The following LRP6 variants were observed in gnomAD, a reference collection of about 807,000 sequenced individuals.
LRP6 encodes the protein low-density lipoprotein receptor-related protein 6.
Under a neutral mutation model 184.1 loss-of-function variants are expected in LRP6, and 43 were observed. The observed-to-expected ratio is 0.23, with a 90% CI of 0.18 to 0.30. The LOEUF is 0.30. LRP6 is among the 10% of genes least tolerant of loss of function. The probability of loss-of-function intolerance (pLI) is 1.00; values close to 1 mark genes in which losing one functional copy is unlikely to be tolerated. For missense variants in LRP6, 1,571 were observed against 2,005.3 expected (o/e 0.78, Z 4.14); for synonymous variants, 719 against 684.9 (o/e 1.05, Z -0.78).
chr12:12,174,572 A>AG (rs1863123976), intron 7 of LRP6, among the ~76,000 whole-genome samples: 2 of 152,358 alleles, frequency 1.3e-5, no homozygotes, highest in African/African-American at 4.8e-5. Flanking sequence ...ACAAACCAAC[A>AG]GTAAAAAAAA....
At position 12,120,906 on chromosome 12, in the gene LRP6, C is replaced by A; in HGVS notation, c.*220G>T. 1 of 411,146 alleles carries A rather than the reference C, an allele frequency of 2.4e-6. No individual in the cohort carries two copies. The highest frequency in any genetic ancestry group is 8.3e-5 in the South Asian group (1 of 12,116). 25.5% of individuals were successfully genotyped at this position (411,146 alleles called of 1,614,324 possible). ...TTAGTACAAATTTTTTTTATACAAA[C>A]TTTTATGGCACAAGCAGCAAATCTG... On this transcript the variant is annotated 3_prime_UTR_variant, in exon 23 of 23. Coordinates refer to ENST00000261349, the MANE Select transcript of LRP6 (RefSeq NM_002336.3).
chr12:12,156,601 T>C (rs1471218089), intron 12 of LRP6, among the ~76,000 whole-genome samples: 2 of 152,258 alleles, frequency 1.3e-5, no homozygotes, highest in East Asian at 1.9e-4. Flanking sequence ...CACGTTTTAA[T>C]GTACTGCATT....
At chr12:12,126,625 C>G in intron 20 of LRP6, 66 bp downstream of exon 20, 3 of 1,254,830 alleles carry the variant, frequency 2.4e-6, no homozygotes, top group Non-Finnish European at 3.5e-6. Context: ...TATTCTTTTC[C>G]ACAATGGAAA....
intron 2 of LRP6, among the ~76,000 whole-genome samples, chr12:12,210,511 ATAAAG>A (rs2137058626): frequency 6.6e-6 from 1 of 152,362 alleles, no homozygotes; most frequent in Admixed American, 6.5e-5. Context: ...GAAAAGGTAA[ATAAAG>A]TAAAAAGCAT....
chr12:12,246,792 C>CG (rs1865197587), intron 1 of LRP6, among the ~76,000 whole-genome samples: 1 of 152,056 alleles, frequency 6.6e-6, no homozygotes, highest in Admixed American at 6.6e-5. Flanking sequence ...TTAGAAGTAA[C>CG]GATTCCCCTT....
chr12:12,262,344 A>C (rs1865635661), intron 1 of LRP6, among the ~76,000 whole-genome samples: 1 of 152,118 alleles, frequency 6.6e-6, no homozygotes, highest in Admixed American at 6.6e-5. Flanking sequence ...ATGCCACTGC[A>C]CTCCAGCCTG....
Position 12,162,326 on chromosome 12 carries a change from C to G in LRP6, c.2146G>C (p.Gly716Arg), listed in dbSNP as rs751996511. ...YPEGMAVDWL[G>R]KNLYWADTGT... ...GTGTCTGCCCAGTACAAGTTCTTCC[C>G]AAGCCAGTCTACTGCCATGCCTTCT... Residue 716 changes from glycine to arginine, a missense_variant, in exon 10 of 23, where the codon GGG becomes CGG. By Grantham distance (125) the Gly-to-Arg change is moderately radical. Around this residue, in one of 4 missense-constraint regions of LRP6, gnomAD observed 10 missense variants for 35.5 expected, o/e 0.28. Coordinates refer to ENST00000261349, the MANE Select transcript of LRP6 (RefSeq NM_002336.3). 1 of 1,613,566 alleles carries G rather than the reference C, an allele frequency of 6.2e-7. No individual in the cohort carries two copies. The highest frequency in any genetic ancestry group is 8.5e-7 in the Non-Finnish European group (1 of 1,179,964).
chr12:12,155,868 G>A (rs912760378), intron 12 of LRP6: 21 of 613,138 alleles, frequency 3.4e-5, no homozygotes, highest in Middle Eastern at 8.6e-4. Context: ...GTAAAACAGC[G>A]TATGTGTTTT....
chr12:12,163,837 A>C (rs1237544272), intron 9 of LRP6, among the ~76,000 whole-genome samples: 1 of 152,148 alleles, frequency 6.6e-6, no homozygotes, highest in Admixed American at 6.5e-5. Flanking sequence ...CTTCACTTAA[A>C]AACTTAAGGG....
chr12:12,129,304 C>A lies in LRP6; in HGVS notation c.4081+1479G>T, dbSNP rs75987678. On this transcript the variant is annotated intron_variant, in intron 19 of 22. Transcript: ENST00000261349. Reference sequence around the variant, plus strand: ...TTGAAATTTTCAGTGACTCTCCACTCCCCATTGTTAATATTGTCTAGGCTC... The same window carrying A: ...TTGAAATTTTCAGTGACTCTCCACTACCCATTGTTAATATTGTCTAGGCTC... Among the ~76,000 whole-genome samples, 899 of 152,274 alleles carry A rather than the reference C, an allele frequency of 5.9e-3. 15 individuals are homozygous for A. The East Asian group carries it at 0.078, about 13-fold the overall frequency.
intron 16 of LRP6, among the ~76,000 whole-genome samples, chr12:12,135,561 T>C (rs1323361090): frequency 1.3e-5 from 2 of 151,148 alleles, no homozygotes; most frequent in African/African-American, 4.9e-5. Flanking sequence ...TGGTGTGATC[T>C]TGGCTCACTG....
intron 18 of LRP6, 36 bp from the exon 19 acceptor site, chr12:12,130,929 A>G (rs988656636): frequency 8.6e-6 from 10 of 1,165,304 alleles, no homozygotes; most frequent in South Asian, 1.2e-5. Context: ...CTTATTTTTA[A>G]TATCATGTAA....
At position 12,147,543 on chromosome 12, in the gene LRP6, T is replaced by C. The variant is rs370421599; in HGVS notation, c.3220A>G (p.Thr1074Ala). ...VNPEKGYMYF[T>A]NLQERSPKIE... is the part of the protein sequence containing the mutation. ...TTAGGAGACCTTTCCTGAAGATTGG[T>C]AAAATACATATACCTAGAGGGAAAG... is the stretch of plus-strand genomic sequence containing the variant. Residue 1074 changes from threonine (T) to alanine (A), a missense_variant, in exon 15 of 23, where the codon ACC becomes GCC. Physicochemically the swap from Thr to Ala is moderately conservative, Grantham distance 58 (BLOSUM62 0). Transcript: ENST00000261349. The C allele has an allele frequency of 3.2e-5, 52 of 1,613,700 alleles. No individual in the cohort carries two copies. The highest frequency in any genetic ancestry group is 4.2e-5 in the Non-Finnish European group (50 of 1,179,742).
At position 12,147,540 on chromosome 12, in the gene LRP6, T is replaced by C. The variant is rs748825507; in HGVS notation, c.3223A>G (p.Asn1075Asp). The C allele has an allele frequency of 6.2e-7, 1 of 1,614,004 alleles. No homozygotes were observed. Among genetic ancestry groups the C allele is most frequent in the Non-Finnish European group, 8.5e-7 (1 of 1,179,932 alleles). ...ATTTTAGGAGACCTTTCCTGAAGATTGGTAAAATACATATACCTAGAGGGA... is the reference window on the plus strand; with the variant it reads ...ATTTTAGGAGACCTTTCCTGAAGATCGGTAAAATACATATACCTAGAGGGA... ...NPEKGYMYFT[N>D]LQERSPKIER... is the part of the protein sequence containing the mutation. The change falls in exon 15 of 23, where the codon AAT becomes GAT. Residue 1075 changes from asparagine to aspartate, a missense_variant. Coordinates refer to ENST00000261349, the MANE Select transcript of LRP6 (RefSeq NM_002336.3).
chr12:12,131,748 A>G (rs1949761357), intron 18 of LRP6, 73 bp downstream of exon 18: 5 of 1,256,710 alleles, frequency 4.0e-6, no homozygotes, highest in Middle Eastern at 1.9e-4. Flanking sequence ...CACTAAGCCA[A>G]GTAATACTGA....
intron 2 of LRP6, among the ~76,000 whole-genome samples, chr12:12,215,294 C>G (rs1864312144): frequency 6.6e-6 from 1 of 151,936 alleles, no homozygotes; most frequent in Admixed American, 6.6e-5. Context: ...TCCCACTGAT[C>G]CCTGAGATTT....
intron 2 of LRP6, among the ~76,000 whole-genome samples, chr12:12,209,749 C>G (rs1864158620): frequency 6.6e-6 from 1 of 152,082 alleles, no homozygotes. Flanking sequence ...AAGCGGTGAG[C>G]ACCTATTAGG....
chr12:12,168,790 A>C (rs1862952782), intron 7 of LRP6, among the ~76,000 whole-genome samples: 1 of 152,214 alleles, frequency 6.6e-6, no homozygotes, highest in African/African-American at 2.4e-5. Flanking sequence ...CCTTATCTAA[A>C]GTCAGGGTCA....
Position 12,190,166 on chromosome 12 carries a change from A to G in LRP6, c.648-3047T>C, listed in dbSNP as rs139535081. 2.0e-4 allele frequency among the ~76,000 whole-genome samples: 31 copies of G among 152,286 alleles called. No individual in the cohort carries two copies. The East Asian group carries it at 5.2e-3, about 26-fold the overall frequency. ...ATAATGATTTGTCCAGCCAACTATG[A>G]CTTGTTCCTGAAAGTAGGGATAACC... On this transcript the variant is annotated intron_variant, in intron 3 of 22. Transcript: ENST00000261349.
Sources: gnomAD v4.1 joint callset for allele counts (sites outside exome capture counted in the v4.1 genomes callset) on GRCh38, gnomAD v4.1.1 for gene constraint, gnomAD v4.1.1 regional missense constraint, MANE v1.5 for transcripts, NCBI Gene and HGNC (gene_info 2026-07-23, HGNC 2026-07-21) for gene names.